The following KIAA1549 variants were observed in gnomAD, a reference collection of about 807,000 sequenced individuals.
KIAA1549 encodes UPF0606 protein KIAA1549.
In KIAA1549, 70 loss-of-function variants were observed where a neutral mutation model predicts 156.4. The ratio of observed to expected loss-of-function variants is 0.45; its 90% CI spans 0.37 to 0.55. The LOEUF is 0.55. Ranked by LOEUF, KIAA1549 falls within the 20% of genes least tolerant of loss-of-function variation. The pLI, the probability that KIAA1549 is intolerant of heterozygous loss-of-function variation, is 0.00. For synonymous variants in KIAA1549, 1,103 were observed against 1,066.4 expected, an observed-to-expected ratio of 1.03 and a Z score of -0.67; for missense variants, 2,428 against 2,540.9, an observed-to-expected ratio of 0.96 and a Z score of 0.96.
At chr7:138,944,812 C>T (rs562867517) in intron 1 of KIAA1549, among the ~76,000 whole-genome samples, 1 of 152,176 alleles carries the variant, frequency 6.6e-6, no homozygotes, top group African/African-American at 2.4e-5. Context: ...TACTGTATGA[C>T]TCCATTTACA....
chr7:138,888,037 G>A (rs182438988), intron 10 of KIAA1549, among the ~76,000 whole-genome samples: 1 of 152,304 alleles, frequency 6.6e-6, no homozygotes, highest in Admixed American at 6.5e-5. Flanking sequence ...ACTCATGGCA[G>A]GGCTCTGTGC....
intron 15 of KIAA1549, among the ~76,000 whole-genome samples, chr7:138,866,851 G>A (rs1184570516): frequency 1.3e-5 from 2 of 152,184 alleles, no homozygotes; most frequent in East Asian, 3.9e-4. Flanking sequence ...CACCCAGGCT[G>A]GAGTGCAGTG....
chr7:138,958,119 C>A (rs145933663), intron 1 of KIAA1549, among the ~76,000 whole-genome samples: 1 of 152,204 alleles, frequency 6.6e-6, no homozygotes, highest in African/African-American at 2.4e-5. Context: ...GATACATGCA[C>A]GTTAATGATT....
chr7:138,921,614 C>T (rs988171157), intron 1 of KIAA1549, among the ~76,000 whole-genome samples: 5 of 152,096 alleles, frequency 3.3e-5, no homozygotes, highest in Non-Finnish European at 7.4e-5. Context: ...GGCCTGTAAT[C>T]CCAGCACTTT....
At chr7:138,975,463 C>T (rs1375485955) in intron 1 of KIAA1549, among the ~76,000 whole-genome samples, 1 of 152,074 alleles carries the variant, frequency 6.6e-6, no homozygotes, top group Non-Finnish European at 1.5e-5. Context: ...TCCAAGACAT[C>T]CAAGATGTTG....
At chr7:138,924,947 G>C (rs1375930531) in intron 1 of KIAA1549, among the ~76,000 whole-genome samples, 1 of 152,148 alleles carries the variant, frequency 6.6e-6, no homozygotes, top group Non-Finnish European at 1.5e-5. Context: ...CCTGAATGAC[G>C]CTGGACCCCG....
chr7:138,924,170 T>G (rs1340291260), intron 1 of KIAA1549, among the ~76,000 whole-genome samples: 4 of 150,554 alleles, frequency 2.7e-5, no homozygotes, highest in Non-Finnish European at 4.4e-5. Context: ...ATAGCAGCTG[T>G]TCTTTTCTTT....
chr7:138,917,943 G>A lies in KIAA1549; in HGVS notation c.1683C>T (p.Ile561=). The A allele has an allele frequency of 6.3e-7, 1 of 1,593,262 alleles. No homozygotes were observed. Among genetic ancestry groups the A allele is most frequent in the Non-Finnish European group, 8.5e-7 (1 of 1,169,774 alleles). The change falls in exon 2 of 20, where the codon ATC becomes ATT. Residue 561 remains isoleucine, a synonymous_variant. Coordinates refer to ENST00000422774, the MANE Select transcript of KIAA1549 (RefSeq NM_001164665.2). Reference sequence around the variant, plus strand: ...AAGATGAGTCAAGGAGAATGCTGGTGATGACCGAGAAAAATGCAGTGGTCA... The same window carrying A: ...AAGATGAGTCAAGGAGAATGCTGGTAATGACCGAGAAAAATGCAGTGGTCA... ...SSVTTAFFSV[I]TSILLDSSFS... is the part of the protein sequence containing the mutation.
In KIAA1549 at chr7:138,832,190, CCTTT is replaced by C. The variant is rs1326657769; in HGVS notation, c.*5712_*5715del. 2.2e-4 allele frequency: 38 copies of C among 169,982 alleles called. No individual in the cohort carries two copies. Among genetic ancestry groups the C allele is most frequent in the South Asian group, 4.8e-4 (2 of 4,168 alleles). 10.5% of individuals were successfully genotyped at this position (169,982 alleles called of 1,614,324 possible). ...TTCACCTCTGTCCCTTTTACCTATTCCTTTTTTTTTTTTTTTTTTTTCCAGAGAC... is the reference window on the plus strand; with the variant it reads ...TTCACCTCTGTCCCTTTTACCTATTCTTTTTTTTTTTTTTTTTCCAGAGAC... On this transcript the variant is annotated 3_prime_UTR_variant, in exon 20 of 20. Coordinates refer to ENST00000422774, the MANE Select transcript of KIAA1549 (RefSeq NM_001164665.2).
intron 1 of KIAA1549, among the ~76,000 whole-genome samples, chr7:138,931,423 T>C (rs1434880243): frequency 6.6e-6 from 1 of 152,194 alleles, no homozygotes; most frequent in Non-Finnish European, 1.5e-5. Context: ...TGACTTGTTG[T>C]TTGATATTTT....
intron 1 of KIAA1549, among the ~76,000 whole-genome samples, chr7:138,979,151 T>C (rs1356420795): frequency 6.6e-6 from 1 of 152,136 alleles, no homozygotes; most frequent in African/African-American, 2.4e-5. Context: ...TACAAACCAG[T>C]GAAAGGATGA....
intron 1 of KIAA1549, among the ~76,000 whole-genome samples, chr7:138,922,687 T>C (rs73729964): frequency 0.11 from 16,703 of 151,762 alleles, 1,024 homozygotes; most frequent in South Asian, 0.2. Context: ...TGAAACAAGA[T>C]TTAGTGAACT....
intron 15 of KIAA1549, among the ~76,000 whole-genome samples, chr7:138,864,700 C>A (rs1229931045): frequency 6.6e-6 from 1 of 152,196 alleles, no homozygotes; most frequent in Non-Finnish European, 1.5e-5. Flanking sequence ...TTGTCCAGGA[C>A]AACCTCAGTT....
chr7:138,832,555 GA>G lies in KIAA1549; in HGVS notation c.*5350del. 2 of 202,228 alleles carry G rather than the reference GA, an allele frequency of 9.9e-6. No individual in the cohort carries two copies. Among genetic ancestry groups the G allele is most frequent in the African/African-American group, 2.3e-5 (1 of 43,762 alleles). The allele number at this position is 202,228 out of a possible 1,614,324, so 12.5% of individuals were successfully genotyped here. ...CCCCTGAAAAACCTGGAGGAAGAAG[GA>G]AAAGGAAGGATCCTGGATAATTATC... On this transcript the variant is annotated 3_prime_UTR_variant, in exon 20 of 20. Transcript: ENST00000422774.
Position 138,917,406 on chromosome 7 carries a change from T to C in KIAA1549, c.2220A>G (p.Ser740=), listed in dbSNP as rs547715850. The change falls in exon 2 of 20, where the codon TCA becomes TCG. Residue 740 remains serine (S), a synonymous_variant. Transcript: ENST00000422774. ...TGAAAGCTGAGGTAAAATGAGCTTC[T>C]GAATCCGTCAGTGAAACCGTAGACG... The part of the protein sequence containing the change: ...VEASTVSLTD[S]EAHFTSAFIE... The C allele has an allele frequency of 1.7e-5, 27 of 1,613,974 alleles. No homozygotes were observed. The East Asian group carries it at 2.7e-4, about 16-fold the overall frequency.
chr7:138,944,904 T>C (rs929019101), intron 1 of KIAA1549, among the ~76,000 whole-genome samples: 1 of 152,240 alleles, frequency 6.6e-6, no homozygotes, highest in South Asian at 2.1e-4. Context: ...AATGGACCCC[T>C]GTCCACTGCC....
At chr7:138,945,801 C>T (rs949883221) in intron 1 of KIAA1549, among the ~76,000 whole-genome samples, 1 of 152,092 alleles carries the variant, frequency 6.6e-6, no homozygotes, top group Admixed American at 6.5e-5. Flanking sequence ...GTGGCTCACG[C>T]CTGTAATCCT....
intron 1 of KIAA1549, among the ~76,000 whole-genome samples, chr7:138,951,132 C>G (rs1334234856): frequency 6.6e-6 from 1 of 152,062 alleles, no homozygotes; most frequent in Non-Finnish European, 1.5e-5. Context: ...GTGGTGCAAT[C>G]TCGGCTCACT....
intron 1 of KIAA1549, among the ~76,000 whole-genome samples, chr7:138,938,877 G>T (rs1813094070): frequency 6.6e-6 from 1 of 152,014 alleles, no homozygotes; most frequent in Admixed American, 6.6e-5. Flanking sequence ...GCGAAACCCT[G>T]TGTCTACTAA....
Sources: gnomAD v4.1 joint callset for allele counts (sites outside exome capture counted in the v4.1 genomes callset) on GRCh38, gnomAD v4.1.1 for gene constraint, MANE v1.5 for transcripts, NCBI Gene and HGNC (gene_info 2026-07-23, HGNC 2026-07-21) for gene names.